ZGRF1: variants seen among roughly 807,000 people sequenced by gnomAD.
ZGRF1 encodes the protein zinc finger GRF-type containing 1.
ZGRF1 carries 196 observed loss-of-function variants against 203.5 expected under a neutral mutation model. The observed-to-expected ratio is 0.96, with a 90% CI of 0.86 to 1.08. The LOEUF is 1.08. Among genes scored for constraint, ZGRF1 ranks in the 50% least tolerant of loss-of-function variants. ZGRF1 has a pLI of 0.00. For synonymous variants in ZGRF1, 809 were observed against 841.3 expected, an observed-to-expected ratio of 0.96 and a Z score of 0.66; for missense variants, 2,326 against 2,416.3, an observed-to-expected ratio of 0.96 and a Z score of 0.78.
chr4:112,632,252 G>A (rs1367531825), intron 2 of ZGRF1, among the ~76,000 whole-genome samples: 1 of 151,904 alleles, frequency 6.6e-6, no homozygotes, highest in Non-Finnish European at 1.5e-5. Context: ...GAGAGGGAGG[G>A]AATAGGGGAG....
At chr4:112,560,464 G>A (rs1189498850) in intron 19 of ZGRF1, among the ~76,000 whole-genome samples, 1 of 152,154 alleles carries the variant, frequency 6.6e-6, no homozygotes, top group African/African-American at 2.4e-5. Context: ...TACTATAGGA[G>A]AGCAACATGT....
chr4:112,562,609 C>G (rs774004358), intron 17 of ZGRF1, 124 bp from the exon 18 acceptor site: 2 of 619,194 alleles, frequency 3.2e-6, no homozygotes, highest in Non-Finnish European at 5.8e-6. Context: ...TAAAACAAAC[C>G]CTTAAACACA....
chr4:112,623,034 T>C (rs1435728307), intron 4 of ZGRF1, among the ~76,000 whole-genome samples: 1 of 152,194 alleles, frequency 6.6e-6, no homozygotes, highest in African/African-American at 2.4e-5. Flanking sequence ...TGCATTCTCA[T>C]CATTTAGCTC....
At chr4:112,566,933 A>G (rs763384564) in intron 16 of ZGRF1, among the ~76,000 whole-genome samples, 1 of 151,898 alleles carries the variant, frequency 6.6e-6, no homozygotes, top group Non-Finnish European at 1.5e-5. Context: ...TCTGGTCCAG[A>G]AATCCTCTGG....
chr4:112,617,079 A>G (rs891868574), intron 6 of ZGRF1, among the ~76,000 whole-genome samples: 1 of 152,136 alleles, frequency 6.6e-6, no homozygotes, highest in Non-Finnish European at 1.5e-5. Context: ...ACAGAGTGAG[A>G]CTGTCTCCAA....
rs1742343865 is a variant in ZGRF1 at position 112,563,233 on chromosome 4, C to A, written c.4480G>T (p.Asp1494Tyr). 3 of 1,551,018 alleles carry A rather than the reference C, an allele frequency of 1.9e-6. No homozygotes were observed. Among genetic ancestry groups the A allele is most frequent in the Non-Finnish European group, 2.6e-6 (3 of 1,146,752 alleles). The change falls in exon 17 of 28, where the codon GAT becomes TAT. Residue 1494 changes from aspartate (D) to tyrosine (Y), a missense_variant. Asp to Tyr is a radical substitution (Grantham distance 160, BLOSUM62 -3). Transcript: ENST00000505019. Reference sequence around the variant, plus strand: ...AAAGCACTACATGCGATAAAAGTATCCAGCTCAAAGTCTAGGGTTTTTGAA... The same window carrying A: ...AAAGCACTACATGCGATAAAAGTATACAGCTCAAAGTCTAGGGTTTTTGAA... ...VVSKTLDFEL[D>Y]TFIACSAFFG...
intron 16 of ZGRF1, among the ~76,000 whole-genome samples, chr4:112,568,922 G>A (rs1028913065): frequency 6.6e-6 from 1 of 151,698 alleles, no homozygotes; most frequent in Non-Finnish European, 1.5e-5. Context: ...GCTGAGGAAG[G>A]AGAATCACCT....
At chr4:112,621,634 C>G (rs1296311427) in intron 4 of ZGRF1, among the ~76,000 whole-genome samples, 1 of 130,762 alleles carries the variant, frequency 7.6e-6, no homozygotes, top group African/African-American at 2.9e-5. Flanking sequence ...GCCTGGGCAA[C>G]AAGAGCAAAA....
chr4:112,554,360 G>C (rs571779336), intron 21 of ZGRF1, among the ~76,000 whole-genome samples: 1 of 152,048 alleles, frequency 6.6e-6, no homozygotes, highest in African/African-American at 2.4e-5. Context: ...TATACCCAAA[G>C]GATTATAAAT....
rs760445452 is a variant in ZGRF1 at position 112,617,797 on chromosome 4, C to T, written c.2245G>A (p.Glu749Lys). The change falls in exon 6 of 28, where the codon GAA becomes AAA. Residue 749 changes from glutamate to lysine, a missense_variant. Coordinates refer to ENST00000505019, the MANE Select transcript of ZGRF1 (RefSeq NM_018392.5). ...QLLNTNQNHY[E>K]CIALDKSNTH... ...TTTGATTTATCAAGTGCAATACATT[C>T]ATAGTGATTCTGATTGGTATTTAAT... 6.2e-7 allele frequency: 1 copy of T among 1,613,864 alleles called. No individual in the cohort carries two copies. Among genetic ancestry groups the T allele is most frequent in the Non-Finnish European group, 8.5e-7 (1 of 1,179,778 alleles).
intron 20 of ZGRF1, among the ~76,000 whole-genome samples, chr4:112,556,596 G>T (rs1740981974): frequency 6.6e-6 from 1 of 152,052 alleles, no homozygotes; most frequent in South Asian, 2.1e-4. Flanking sequence ...TGCCATGTTT[G>T]TTGGCCAGGC....
chr4:112,636,310 A>G (rs2047633468), intron 1 of ZGRF1, among the ~76,000 whole-genome samples: 1 of 152,236 alleles, frequency 6.6e-6, no homozygotes. Context: ...GTGCTACTAT[A>G]TGTACGGACG....
intron 5 of ZGRF1, 77 bp downstream of exon 5, chr4:112,619,925 T>C (rs998477233): frequency 8.1e-7 from 1 of 1,238,984 alleles, no homozygotes; most frequent in Middle Eastern, 2.8e-4. Flanking sequence ...CAGAGTACAA[T>C]AACTTCAAAA....
chr4:112,603,350 C>T (rs1281601423), intron 10 of ZGRF1, among the ~76,000 whole-genome samples, 174 bp downstream of exon 10: 3 of 152,168 alleles, frequency 2.0e-5, no homozygotes, highest in African/African-American at 7.2e-5. Context: ...AAAAGTAATA[C>T]ATCTTTCAAG....
Position 112,603,961 on chromosome 4 carries a change from A to G in ZGRF1, c.2803-264T>C, listed in dbSNP as rs573412233. ...ATTTAGGCTGGGCATGGTGGCTCAC[A>G]TCTGTAATTCCTGCACTTTGGGAGG... is the stretch of plus-strand genomic sequence containing the variant. On this transcript the variant is annotated intron_variant, in intron 9 of 27. Transcript: ENST00000505019. Among the ~76,000 whole-genome samples, 11 of 152,274 alleles carry G rather than the reference A, an allele frequency of 7.2e-5. No homozygotes were observed. In the East Asian group the frequency reaches 2.1e-3, roughly 29 times the overall value.
chr4:112,552,472 G>T (rs1008793315), intron 22 of ZGRF1, among the ~76,000 whole-genome samples: 3 of 151,560 alleles, frequency 2.0e-5, no homozygotes, highest in Non-Finnish European at 1.5e-5. Flanking sequence ...CATTAACAAT[G>T]ATATATATGA....
chr4:112,594,001 C>T (rs905924916), intron 10 of ZGRF1, among the ~76,000 whole-genome samples: 9 of 152,116 alleles, frequency 5.9e-5, no homozygotes, highest in African/African-American at 2.2e-4. Flanking sequence ...GCAATCCTCC[C>T]GCTTTGGCCT....
At chr4:112,575,686 G>C (rs889218473) in intron 16 of ZGRF1, among the ~76,000 whole-genome samples, 3 of 152,190 alleles carry the variant, frequency 2.0e-5, no homozygotes, top group Admixed American at 6.5e-5. Flanking sequence ...ATTGCTAACA[G>C]AGCAGTCTCA....
chr4:112,547,997 A>G (rs1216341000), intron 23 of ZGRF1, among the ~76,000 whole-genome samples: 10 of 151,818 alleles, frequency 6.6e-5, no homozygotes, highest in Admixed American at 6.6e-4. Context: ...GCTGGAGTGC[A>G]GTCGTTCAAT....
Sources: gnomAD v4.1 joint callset for allele counts (sites outside exome capture counted in the v4.1 genomes callset) on GRCh38, gnomAD v4.1.1 for gene constraint, MANE v1.5 for transcripts, NCBI Gene and HGNC (gene_info 2026-07-23, HGNC 2026-07-21) for gene names.